FSTL5: variants seen among roughly 807,000 people sequenced by gnomAD.
FSTL5 encodes follistatin-related protein 5.
A neutral mutation model predicts 89.1 loss-of-function variants in FSTL5; 62 were observed. The ratio of observed to expected loss-of-function variants is 0.70; its 90% confidence interval spans 0.57 to 0.86. FSTL5 has a LOEUF of 0.86. FSTL5 is among the 40% of genes least tolerant of loss of function. The pLI, the probability that FSTL5 is intolerant of heterozygous loss-of-function variation, is 0.00. For synonymous variants in FSTL5, 383 were observed against 346.2 expected, an observed-to-expected ratio of 1.11 and a Z score of -1.18; for missense variants, 1,057 against 1,001.6, an observed-to-expected ratio of 1.06 and a Z score of -0.75.
intron 7 of FSTL5, among the ~76,000 whole-genome samples, chr4:161,624,525 A>T (rs182400034): frequency 3.9e-4 from 59 of 151,850 alleles, no homozygotes; most frequent in African/African-American, 1.3e-3. Flanking sequence ...AAGTTCCTTT[A>T]TATTATAGAG....
chr4:161,782,057 T>A (rs1741691384), intron 4 of FSTL5, among the ~76,000 whole-genome samples: 1 of 152,164 alleles, frequency 6.6e-6, no homozygotes, highest in Non-Finnish European at 1.5e-5. Flanking sequence ...CCAGCATGTC[T>A]TTTCATGACC....
At chr4:162,002,178 T>C (rs1222953319) in intron 3 of FSTL5, among the ~76,000 whole-genome samples, 1 of 152,160 alleles carries the variant, frequency 6.6e-6, no homozygotes, top group East Asian at 1.9e-4. Context: ...CCTTTGTAAC[T>C]AATGCGAGTA....
chr4:161,456,221 T>C (rs1733346303), intron 14 of FSTL5, among the ~76,000 whole-genome samples: 1 of 152,172 alleles, frequency 6.6e-6, no homozygotes. Context: ...GTGAAATTTG[T>C]GGATTACAGA....
chr4:162,110,000 G>A (rs1433914937), intron 2 of FSTL5, among the ~76,000 whole-genome samples: 1 of 151,976 alleles, frequency 6.6e-6, no homozygotes, highest in Non-Finnish European at 1.5e-5. Flanking sequence ...GTAGGAGAAA[G>A]CATTGATAAT....
intron 4 of FSTL5, among the ~76,000 whole-genome samples, chr4:161,820,333 A>G (rs1730452408): frequency 6.6e-6 from 1 of 152,184 alleles, no homozygotes; most frequent in African/African-American, 2.4e-5. Context: ...ACCATTAAGA[A>G]CTTCCAGGGA....
chr4:162,010,079 T>C (rs1187746679), intron 3 of FSTL5, among the ~76,000 whole-genome samples: 1 of 152,072 alleles, frequency 6.6e-6, no homozygotes, highest in African/African-American at 2.4e-5. Flanking sequence ...TCTTGATGCT[T>C]TGTTTCTACT....
intron 15 of FSTL5, among the ~76,000 whole-genome samples, chr4:161,390,199 A>C (rs1730774565): frequency 6.6e-6 from 1 of 152,156 alleles, no homozygotes; most frequent in Non-Finnish European, 1.5e-5. Flanking sequence ...ATGGGGTACT[A>C]GGTGAACCTG....
intron 8 of FSTL5, among the ~76,000 whole-genome samples, chr4:161,576,929 G>A (rs1295964355): frequency 2.6e-5 from 4 of 152,096 alleles, no homozygotes; most frequent in African/African-American, 9.7e-5. Flanking sequence ...AAATTTATGT[G>A]GTAGACCACA....
chr4:162,156,421 T>C (rs1229779600), intron 1 of FSTL5, among the ~76,000 whole-genome samples: 1 of 152,164 alleles, frequency 6.6e-6, no homozygotes, highest in Non-Finnish European at 1.5e-5. Context: ...TTAATCATTC[T>C]ACAAAAAACA....
chr4:162,073,890 T>C lies in FSTL5; in HGVS notation c.126+37381A>G, dbSNP rs184415774. Reference sequence around the variant, plus strand: ...CGTTAACATCCTCAGGCCAATACATTTTAAAAGTAAATTAAATATGGTGCA... The same window carrying C: ...CGTTAACATCCTCAGGCCAATACATCTTAAAAGTAAATTAAATATGGTGCA... On this transcript the variant is annotated intron_variant, in intron 2 of 15. Coordinates refer to ENST00000306100, the MANE Select transcript of FSTL5 (RefSeq NM_020116.5). Among the ~76,000 whole-genome samples, 21 of 151,926 alleles carry C rather than the reference T, an allele frequency of 1.4e-4. 1 individual carries two copies. Among genetic ancestry groups the C allele is most frequent in the Admixed American group, 9.9e-4 (15 of 15,214 alleles).
intron 4 of FSTL5, among the ~76,000 whole-genome samples, chr4:161,814,226 C>T (rs917075887): frequency 1.3e-5 from 2 of 152,086 alleles, no homozygotes; most frequent in African/African-American, 2.4e-5. Context: ...CATAAAACAT[C>T]AGGACATTTG....
intron 3 of FSTL5, among the ~76,000 whole-genome samples, chr4:161,928,542 A>G (rs1209411383): frequency 1.3e-5 from 2 of 151,800 alleles, no homozygotes; most frequent in Non-Finnish European, 2.9e-5. Context: ...CCAGCAATGA[A>G]TGAGAGTTTT....
At chr4:161,474,899 G>C (rs28888072) in intron 13 of FSTL5, among the ~76,000 whole-genome samples, 85,474 of 151,906 alleles carry the variant, frequency 0.56, 24,204 homozygotes, top group East Asian at 0.79. Context: ...GCTGGGCTAC[G>C]TTGAACATTT....
intron 1 of FSTL5, among the ~76,000 whole-genome samples, chr4:162,150,546 A>G (rs1733186744): frequency 6.6e-6 from 1 of 152,214 alleles, no homozygotes; most frequent in Admixed American, 6.5e-5. Context: ...GTTCAAAGAC[A>G]TAAAGAAATG....
At chr4:161,896,127 T>G (rs1733149580) in intron 4 of FSTL5, among the ~76,000 whole-genome samples, 1 of 152,208 alleles carries the variant, frequency 6.6e-6, no homozygotes, top group Non-Finnish European at 1.5e-5. Flanking sequence ...TCATTATTCC[T>G]GAATTCCATA....
chr4:161,721,240 T>G (rs1739198467), intron 6 of FSTL5, among the ~76,000 whole-genome samples: 1 of 127,160 alleles, frequency 7.9e-6, no homozygotes, highest in African/African-American at 2.9e-5. Context: ...ATTGCGCCAC[T>G]GCAGTCCGCA....
At chr4:161,550,454 T>C (rs1224883949) in intron 8 of FSTL5, among the ~76,000 whole-genome samples, 2 of 151,902 alleles carry the variant, frequency 1.3e-5, no homozygotes, top group Non-Finnish European at 2.9e-5. Flanking sequence ...TCTCCTAATG[T>C]ATTTAGAACA....
chr4:161,903,621 C>G (rs1733434918), intron 4 of FSTL5, among the ~76,000 whole-genome samples: 1 of 152,014 alleles, frequency 6.6e-6, no homozygotes, highest in South Asian at 2.1e-4. Context: ...AAAAGCCAGA[C>G]AAGTCAACTA....
At chr4:161,721,232 T>C (rs1037778596) in intron 6 of FSTL5, among the ~76,000 whole-genome samples, 6 of 133,236 alleles carry the variant, frequency 4.5e-5, no homozygotes, top group Non-Finnish European at 7.7e-5. Context: ...GAGCCGAGAT[T>C]GCGCCACTGC....
Sources: allele counts gnomAD v4.1 joint callset (sites outside exome capture counted in the v4.1 genomes callset), GRCh38; gene constraint gnomAD v4.1.1; transcripts MANE v1.5; gene names NCBI Gene and HGNC (gene_info 2026-07-23, HGNC 2026-07-21).